The following SPTAN1 variants were observed in gnomAD, a reference collection of about 807,000 sequenced individuals.
The protein encoded by SPTAN1 is spectrin alpha chain, non-erythrocytic 1.
SPTAN1 carries 61 observed loss-of-function variants against 331.3 expected under a neutral mutation model. The observed-to-expected ratio is 0.18, with a 90% CI of 0.15 to 0.23. The LOEUF (loss-of-function observed/expected upper bound fraction) is 0.23. SPTAN1 is among the 10% of genes least tolerant of loss of function. The pLI is 1.00. For synonymous variants in SPTAN1, 1,153 were observed against 1,173.9 expected (o/e 0.98, Z 0.36); for missense variants, 2,043 against 3,147.9 (o/e 0.65, Z 8.40).
At position 128,624,113 on chromosome 9, in the gene SPTAN1, GAATT is replaced by G. The variant is rs199728041; in HGVS notation, c.5833-214_5833-211del. On this transcript the variant is annotated intron_variant, in intron 45 of 56. Coordinates refer to ENST00000372739, the MANE Select transcript of SPTAN1 (RefSeq NM_001130438.3). ...AAAAAAAAAAAAAAAAAAAAAAAAA[GAATT>G]CCTAAAAGTAGAATTGTCAGTACGT... 4.6e-3 allele frequency among the ~76,000 whole-genome samples: 476 copies of G among 102,696 alleles called. 3 individuals are homozygous for G. The highest frequency in any genetic ancestry group is 0.015 in the African/African-American group (441 of 29,600). The allele number at this position is 102,696 out of a possible 152,430, so 67.4% of individuals were successfully genotyped here.
At position 128,625,849 on chromosome 9, in the gene SPTAN1, C is replaced by T. The variant is rs141602301; in HGVS notation, c.6150C>T (p.Ala2050=). The stretch of plus-strand genomic sequence containing the variant: ...CTGCCCTCAAAGATCAGCTTCTCGC[C>T]GCCAAACACGTTCAGTCCAAGGCCA... The part of the protein sequence containing the change: ...NITALKDQLL[A]AKHVQSKAIE... The change falls in exon 48 of 57, where the codon GCC becomes GCT. Residue 2050 remains alanine, a synonymous_variant. Transcript: ENST00000372739. The surrounding 1 kb of genome is among the most constrained non-coding windows in gnomAD (Gnocchi z 4.1). 47 of 1,614,098 alleles carry T rather than the reference C, an allele frequency of 2.9e-5. No homozygotes were observed. The highest frequency in any genetic ancestry group is 1.6e-4 in the Middle Eastern group (1 of 6,084).
rs779878893 is a variant in SPTAN1 at position 128,580,772 on chromosome 9, C to A, written c.1324-150C>A. On this transcript the variant is annotated intron_variant, in intron 10 of 56. Transcript: ENST00000372739. ...CCCTTTTATATTGAACATGCACATA[C>A]AAGTGAATGTTGTTTTTCCCCTTTT... 7 of 992,408 alleles carry A rather than the reference C, an allele frequency of 7.1e-6. 1 individual carries two copies. Among genetic ancestry groups the A allele is most frequent in the Admixed American group, 3.9e-5 (2 of 51,686 alleles). The allele number at this position is 992,408 out of a possible 1,614,324, so 61.5% of individuals were successfully genotyped here. A position where few individuals can be genotyped will look rare whatever the true frequency, so the allele number is the denominator to read the frequency against.
At chr9:128,612,346 C>A in intron 39 of SPTAN1, 100 bp downstream of exon 39, 1 of 1,464,744 alleles carries the variant, frequency 6.8e-7, no homozygotes, top group Non-Finnish European at 9.6e-7. Flanking sequence ...CAGGGCTCAC[C>A]AGACACCCCT....
In SPTAN1 at chr9:128,605,400, C is replaced by T; in HGVS notation, c.3969C>T (p.Ser1323=). ...KCTELNQAWS[S]LGKRADQRKA... ...CAGAGTTAAACCAGGCCTGGAGCAG[C>T]CTGGGGAAACGTGCAGATCAGCGCA... Residue 1323 remains serine (S), a synonymous_variant, in exon 31 of 57, where the codon AGC becomes AGT. Coordinates refer to ENST00000372739, the MANE Select transcript of SPTAN1 (RefSeq NM_001130438.3). 3 of 1,614,186 alleles carry T rather than the reference C, an allele frequency of 1.9e-6. No homozygotes were observed. The highest frequency in any genetic ancestry group is 2.5e-6 in the Non-Finnish European group (3 of 1,180,042).
rs1263891458 is a variant in SPTAN1 at position 128,577,925 on chromosome 9, G to C, written c.1086-185G>C. ...GATGGAGAGAACCTAAGTTTTAAAG[G>C]GTTGATTTCAGCCTTCTCTTGCTTT... On this transcript the variant is annotated intron_variant, in intron 8 of 56. Coordinates refer to ENST00000372739, the MANE Select transcript of SPTAN1 (RefSeq NM_001130438.3). The surrounding 1 kb of genome is among the most constrained non-coding windows in gnomAD (Gnocchi z 4.2). 6.6e-6 allele frequency among the ~76,000 whole-genome samples: 1 copy of C among 152,152 alleles called. No homozygotes were observed. The highest frequency in any genetic ancestry group is 1.5e-5 in the Non-Finnish European group (1 of 68,036).
intron 1 of SPTAN1, chr9:128,553,138 C>G (rs1848315409): frequency 6.6e-6 from 1 of 152,240 alleles, no homozygotes; most frequent in African/African-American, 2.4e-5. Flanking sequence ...TTCTGCAGCT[C>G]GTTCTTCCGA....
At chr9:128,566,158 G>T (rs1475365768) in intron 1 of SPTAN1, among the ~76,000 whole-genome samples, 4 of 152,212 alleles carry the variant, frequency 2.6e-5, no homozygotes, top group African/African-American at 9.6e-5. Context: ...CTGGGCTCAG[G>T]TGATCCTCCT....
chr9:128,607,162 T>A (rs1589306720), intron 31 of SPTAN1, among the ~76,000 whole-genome samples: 1 of 152,150 alleles, frequency 6.6e-6, no homozygotes, highest in African/African-American at 2.4e-5. Context: ...AAAGAAAGGC[T>A]TTTTCTTTTT....
In SPTAN1 at chr9:128,629,340, C is replaced by T. The variant is rs2132028025; in HGVS notation, c.6708-981C>T. Among the ~76,000 whole-genome samples, 1 of 151,842 alleles carries T rather than the reference C, an allele frequency of 6.6e-6. No homozygotes were observed. Among genetic ancestry groups the T allele is most frequent in the African/African-American group, 2.4e-5 (1 of 41,416 alleles). Reference sequence around the variant, plus strand: ...ACTGCACCGGCACCCAGCCTCCTGCCCCCAGGTCCTGGGGGGCATTTTCCC... The same window carrying T: ...ACTGCACCGGCACCCAGCCTCCTGCTCCCAGGTCCTGGGGGGCATTTTCCC... On this transcript the variant is annotated intron_variant, in intron 51 of 56. Coordinates refer to ENST00000372739, the MANE Select transcript of SPTAN1 (RefSeq NM_001130438.3). The surrounding 1 kb of genome is among the most constrained non-coding windows in gnomAD (Gnocchi z 4.9).
chr9:128,617,496 G>C, intron 41 of SPTAN1, 144 bp from the exon 42 acceptor site: 1 of 1,176,072 alleles, frequency 8.5e-7, no homozygotes, highest in East Asian at 2.5e-5. Flanking sequence ...TTGGGAAGTA[G>C]AGGCTTTTGT....
Position 128,584,502 on chromosome 9 carries a change from C to T in SPTAN1, c.2414C>T (p.Pro805Leu). 2 of 1,614,120 alleles carry T rather than the reference C, an allele frequency of 1.2e-6. No homozygotes were observed. The highest frequency in any genetic ancestry group is 1.7e-5 in the Admixed American group (1 of 60,012). The change falls in exon 17 of 57, where the codon CCC becomes CTC. Residue 805 changes from proline (P) to leucine (L), a missense_variant. Physicochemically the swap from Pro to Leu is moderately conservative, Grantham distance 98 (BLOSUM62 -3). Coordinates refer to ENST00000372739, the MANE Select transcript of SPTAN1 (RefSeq NM_001130438.3). ...GAGACGTGGATTCGAGAGAAAGAGC[C>T]CATTGCCGCATCTACCAACAGAGGT... The part of the protein sequence containing the change: ...DEETWIREKE[P>L]IAASTNRGKD...
At chr9:128,584,614 C>T (rs1344173724) in intron 17 of SPTAN1, 89 bp downstream of exon 17, 31 of 1,613,544 alleles carry the variant, frequency 1.9e-5, no homozygotes, top group Admixed American at 3.3e-5. Context: ...TGGGCAGGGT[C>T]GAATTTAAAT....
intron 45 of SPTAN1, among the ~76,000 whole-genome samples, chr9:128,623,046 C>T (rs944975521): frequency 1.3e-5 from 2 of 151,600 alleles, no homozygotes; most frequent in Non-Finnish European, 2.9e-5. Flanking sequence ...CTACTGTACC[C>T]AGCCAATTTT....
At chr9:128,632,742 T>A (rs778134606) in intron 55 of SPTAN1, 24 bp downstream of exon 55, 1 of 1,614,060 alleles carries the variant, frequency 6.2e-7, no homozygotes, top group South Asian at 1.1e-5. Flanking sequence ...GGCCAGGTGC[T>A]GTGAGCCTCT....
At chr9:128,578,577 T>C (rs1225486705) in intron 9 of SPTAN1, among the ~76,000 whole-genome samples, 1 of 152,152 alleles carries the variant, frequency 6.6e-6, no homozygotes, top group Non-Finnish European at 1.5e-5. Context: ...ATGTCTGTAA[T>C]CCCAGCACTT....
At chr9:128,566,063 A>T (rs1849998633) in intron 1 of SPTAN1, among the ~76,000 whole-genome samples, 1 of 152,028 alleles carries the variant, frequency 6.6e-6, no homozygotes. Context: ...AAAATGGCAT[A>T]TTCTTTGTTT....
At position 128,604,359 on chromosome 9, in the gene SPTAN1, C is replaced by A; in HGVS notation, c.3661C>A (p.Leu1221Met). The A allele has an allele frequency of 6.2e-7, 1 of 1,614,036 alleles. No individual in the cohort carries two copies. Residue 1221 changes from leucine to methionine, a missense_variant, in exon 29 of 57, where the codon CTG becomes ATG. Coordinates refer to ENST00000372739, the MANE Select transcript of SPTAN1 (RefSeq NM_001130438.3). Reference protein sequence around the residue: ...LNERWRSLQQLAEERSQLLGS... With the variant: ...LNERWRSLQQMAEERSQLLGS... ...TGAGCGCTGGCGGTCCCTACAGCAGCTGGCCGAGGAACGGAGCCAGCTCTT... is the reference window on the plus strand; with the variant it reads ...TGAGCGCTGGCGGTCCCTACAGCAGATGGCCGAGGAACGGAGCCAGCTCTT...
chr9:128,604,973 T>C (rs1855636451), intron 29 of SPTAN1, 61 bp from the exon 30 acceptor site: 2 of 1,540,884 alleles, frequency 1.3e-6, no homozygotes, highest in African/African-American at 1.4e-5. Flanking sequence ...TTTTTTTTAG[T>C]GTCCTGTAAT....
intron 36 of SPTAN1, 118 bp from the exon 37 acceptor site, chr9:128,609,533 T>A: frequency 2.0e-6 from 2 of 984,346 alleles, no homozygotes. Flanking sequence ...CTTCTATTAC[T>A]GTTCCCAAAT....
Sources: gnomAD v4.1 joint callset for allele counts (sites outside exome capture counted in the v4.1 genomes callset) on GRCh38, gnomAD v4.1.1 for gene constraint, Gnocchi (gnomAD v3.1) non-coding constraint, MANE v1.5 for transcripts, NCBI Gene and HGNC (gene_info 2026-07-23, HGNC 2026-07-21) for gene names.